The following SASH1 variants were observed in gnomAD, a reference collection of about 807,000 sequenced individuals.
The protein encoded by SASH1 is SAM and SH3 domain-containing protein 1.
A neutral mutation model predicts 125.2 loss-of-function variants in SASH1; 44 were observed. The observed-to-expected ratio is 0.35, with a 90% CI of 0.28 to 0.45. The LOEUF is 0.45. SASH1 is among the 20% of genes least tolerant of loss of function. The pLI, the probability that SASH1 is intolerant of heterozygous loss-of-function variation, is 1.00. For synonymous variants in SASH1, 639 were observed against 649.1 expected, an observed-to-expected ratio of 0.98 and a Z score of 0.24; for missense variants, 1,426 against 1,614.5, an observed-to-expected ratio of 0.88 and a Z score of 2.00.
At chr6:148,368,415 C>A (rs867536065) in intron 1 of SASH1, among the ~76,000 whole-genome samples, 1 of 152,132 alleles carries the variant, frequency 6.6e-6, no homozygotes, top group Non-Finnish European at 1.5e-5. Flanking sequence ...GGATTACAGG[C>A]GCAAGCCACC....
the SASH1 span, among the ~76,000 whole-genome samples, chr6:148,210,649 T>A: frequency 6.6e-6 from 1 of 152,256 alleles, no homozygotes; most frequent in Non-Finnish European, 1.5e-5. Flanking sequence ...CAGAGCTGCT[T>A]GAATGGCTTT....
At chr6:148,452,875 A>G (rs530670706) in intron 4 of SASH1, among the ~76,000 whole-genome samples, 3 of 152,216 alleles carry the variant, frequency 2.0e-5, no homozygotes, top group Admixed American at 6.5e-5. Flanking sequence ...GATGCCTGCA[A>G]TGGGGGCGAC....
intron 8 of SASH1, among the ~76,000 whole-genome samples, chr6:148,507,534 C>T (rs1169025012): frequency 2.0e-5 from 3 of 152,118 alleles, no homozygotes; most frequent in Admixed American, 6.5e-5. Flanking sequence ...CCACGCCTGA[C>T]TAAGTTTTGT....
Position 148,387,667 on chromosome 6 carries a change from T to G in SASH1, c.157-2467T>G, listed in dbSNP as rs1277800970. On this transcript the variant is annotated intron_variant, in intron 1 of 19. Transcript: ENST00000367467. ...TTCTTTCTTTCTTTCTTTCTTTCTT[T>G]CTTTCTTTCTTTCTTTCTTTCTTTC... Among the ~76,000 whole-genome samples, 13 of 108,058 alleles carry G rather than the reference T, an allele frequency of 1.2e-4. 1 individual carries two copies. The highest frequency in any genetic ancestry group is 5.0e-4 in the African/African-American group (13 of 25,976). The allele number at this position is 108,058 out of a possible 152,430, so 70.9% of individuals were successfully genotyped here. A position where few individuals can be genotyped will look rare whatever the true frequency, so the allele number is the denominator to read the frequency against.
chr6:148,548,434 G>C lies in SASH1; in HGVS notation c.3620G>C (p.Ser1207Thr). Residue 1207 changes from serine to threonine, a missense_variant, in exon 20 of 20, where the codon AGC becomes ACC. Transcript: ENST00000367467. ...TCCACCGCGGGCTTCAGCACACTGA[G>C]CCAAGTGCCTTCTCTGTCTCACACT... ...TLSTAGFSTL[S>T]QVPSLSHTCL... The C allele has an allele frequency of 1.2e-6, 2 of 1,614,192 alleles. No individual in the cohort carries two copies. Among genetic ancestry groups the C allele is most frequent in the Non-Finnish European group, 1.7e-6 (2 of 1,180,040 alleles).
chr6:148,209,507 T>A, the SASH1 span, among the ~76,000 whole-genome samples: 23 of 152,350 alleles, frequency 1.5e-4, no homozygotes, highest in African/African-American at 5.5e-4. Context: ...TTAAATCAAG[T>A]GTACATCTGT....
chr6:148,526,607 T>C (rs1053622628), intron 11 of SASH1, among the ~76,000 whole-genome samples: 3 of 152,218 alleles, frequency 2.0e-5, no homozygotes, highest in African/African-American at 7.2e-5. Flanking sequence ...AGAGAAAATA[T>C]GATTTTTTTC....
chr6:148,253,496 A>G, the SASH1 span, among the ~76,000 whole-genome samples: 2 of 152,214 alleles, frequency 1.3e-5, no homozygotes, highest in Non-Finnish European at 1.5e-5. Context: ...AGATTTGGCA[A>G]TGATTTCTTA....
At chr6:148,481,197 A>G (rs184768203) in intron 7 of SASH1, among the ~76,000 whole-genome samples, 6 of 152,118 alleles carry the variant, frequency 3.9e-5, no homozygotes, top group Middle Eastern at 3.4e-3. Flanking sequence ...TGGATTTAAT[A>G]TAAGACGCAC....
chr6:148,231,272 G>A, the SASH1 span, among the ~76,000 whole-genome samples: 1 of 152,142 alleles, frequency 6.6e-6, no homozygotes, highest in Non-Finnish European at 1.5e-5. Context: ...ATCCTTGTTA[G>A]CAATCAATTG....
chr6:148,501,555 G>A (rs1323665612), intron 8 of SASH1, among the ~76,000 whole-genome samples: 2 of 152,194 alleles, frequency 1.3e-5, no homozygotes, highest in African/African-American at 4.8e-5. Flanking sequence ...ACTCTGAACA[G>A]AGGGACCTGT....
At chr6:148,389,362 C>T (rs113705932) in intron 1 of SASH1, among the ~76,000 whole-genome samples, 31 of 152,278 alleles carry the variant, frequency 2.0e-4, no homozygotes, top group African/African-American at 7.2e-4. Context: ...AGAGCAATTA[C>T]GTGGCACTTG....
chr6:148,261,824 G>C, the SASH1 span, among the ~76,000 whole-genome samples: 2 of 152,264 alleles, frequency 1.3e-5, no homozygotes, highest in East Asian at 3.9e-4. Context: ...AAAAGGCATG[G>C]GAATAAGAGA....
chr6:148,203,897 G>A, the SASH1 span, among the ~76,000 whole-genome samples: 5 of 152,112 alleles, frequency 3.3e-5, no homozygotes, highest in Non-Finnish European at 5.9e-5. Flanking sequence ...AAACTCTATC[G>A]TTTAACCTTA....
chr6:148,344,196 A>G (rs920489788), intron 1 of SASH1, among the ~76,000 whole-genome samples: 4 of 152,314 alleles, frequency 2.6e-5, no homozygotes, highest in East Asian at 3.9e-4. Context: ...CAGCTCTCCA[A>G]TTGACTGTTT....
At chr6:148,484,225 C>T (rs1020436230) in intron 7 of SASH1, among the ~76,000 whole-genome samples, 1 of 152,034 alleles carries the variant, frequency 6.6e-6, no homozygotes, top group Non-Finnish European at 1.5e-5. Context: ...ATGGAATAAG[C>T]ATTACTCTTT....
chr6:148,460,486 C>T lies in SASH1; in HGVS notation c.387-8059C>T, dbSNP rs535662631. 6.6e-5 allele frequency among the ~76,000 whole-genome samples: 10 copies of T among 152,296 alleles called. 1 individual carries two copies. In the South Asian group the frequency reaches 1.7e-3, roughly 25 times the overall value. Reference sequence around the variant, plus strand: ...GGTATTACTGTTTAGAGTCAACGTCCACACTTCATACCTGAAAATCCTGCC... The same window carrying T: ...GGTATTACTGTTTAGAGTCAACGTCTACACTTCATACCTGAAAATCCTGCC... On this transcript the variant is annotated intron_variant, in intron 4 of 19. Coordinates refer to ENST00000367467, the MANE Select transcript of SASH1 (RefSeq NM_015278.5).
At chr6:148,528,150 G>C (rs1781302435) in intron 12 of SASH1, among the ~76,000 whole-genome samples, 1 of 152,152 alleles carries the variant, frequency 6.6e-6, no homozygotes, top group Admixed American at 6.5e-5. Context: ...CTGTAGCCAT[G>C]AAGGAAGGTA....
intron 1 of SASH1, among the ~76,000 whole-genome samples, chr6:148,382,036 G>A (rs918396094): frequency 1.7e-4 from 26 of 152,262 alleles, no homozygotes; most frequent in Admixed American, 8.5e-4. Flanking sequence ...ATTGTACTGC[G>A]TTCACCCTTT....
Sources: gnomAD v4.1 joint callset for allele counts (sites outside exome capture counted in the v4.1 genomes callset) on GRCh38, gnomAD v4.1.1 for gene constraint, MANE v1.5 for transcripts, NCBI Gene and HGNC (gene_info 2026-07-23, HGNC 2026-07-21) for gene names.